Variants in METTL8 observed in about 807,000 individuals in gnomAD.
METTL8 encodes the protein tRNA N(3)-cytidine methyltransferase METTL8, mitochondrial.
METTL8 carries 32 observed loss-of-function variants against 48.7 expected under a neutral mutation model. The ratio of observed to expected loss-of-function variants is 0.66; its 90% CI spans 0.50 to 0.88. METTL8 has a LOEUF of 0.88. Among genes scored for constraint, METTL8 ranks in the 40% least tolerant of loss-of-function variants. The pLI is 0.00. For synonymous variants in METTL8, 136 were observed against 157.1 expected (o/e 0.87, Z 1.01); for missense variants, 464 against 474.4 (o/e 0.98, Z 0.20).
Position 171,319,463 on chromosome 2 carries a change from G to GT in METTL8, c.*4708dup, listed in dbSNP as rs1394234910. The GT allele has an allele frequency of 1.3e-5, 2 of 152,340 alleles. No homozygotes were observed. The highest frequency in any genetic ancestry group is 3.9e-4 in the East Asian group (2 of 5,188). 9.4% of individuals were successfully genotyped at this position (152,340 alleles called of 1,614,324 possible). A position where few individuals can be genotyped will look rare whatever the true frequency, so the allele number is the denominator to read the frequency against. On this transcript the variant is annotated 3_prime_UTR_variant, in exon 10 of 10. Transcript: ENST00000375258. ...ACTTTGATGAGTTGGAAGTTTTGGG[G>GT]TTTAACAATCCAGATGGTTCTGATA...
intron 2 of METTL8, among the ~76,000 whole-genome samples, chr2:171,365,025 T>C (rs9973709): frequency 0.087 from 13,294 of 152,240 alleles, 905 homozygotes; most frequent in African/African-American, 0.18. Flanking sequence ...CTTAATTCTA[T>C]AACAAAGTGT....
chr2:171,331,424 C>CT (rs34718824), intron 6 of METTL8, among the ~76,000 whole-genome samples: 255 of 132,066 alleles, frequency 1.9e-3, no homozygotes, highest in African/African-American at 3.0e-3. Context: ...GGCCTTTCAT[C>CT]TTTTTTTTTT....
intron 3 of METTL8, among the ~76,000 whole-genome samples, chr2:171,342,498 T>C (rs1686874853): frequency 6.6e-6 from 1 of 152,194 alleles, no homozygotes; most frequent in South Asian, 2.1e-4. Flanking sequence ...AATTGGAGTG[T>C]GCCTGATATA....
At chr2:171,336,396 C>CT (rs146097512) in intron 5 of METTL8, among the ~76,000 whole-genome samples, 13 of 80,740 alleles carry the variant, frequency 1.6e-4, no homozygotes, top group Admixed American at 6.0e-4. Context: ...CGCCCGACTG[C>CT]TTTTTTTTTT....
At chr2:171,432,223 C>T (rs1334688083) in intron 1 of METTL8, among the ~76,000 whole-genome samples, 1 of 144,944 alleles carries the variant, frequency 6.9e-6, no homozygotes, top group African/African-American at 2.5e-5. Flanking sequence ...GGCAAAGCAA[C>T]GTCAAAAAAA....
intron 1 of METTL8, among the ~76,000 whole-genome samples, chr2:171,404,618 T>C (rs1320000870): frequency 6.6e-6 from 1 of 152,126 alleles, no homozygotes; most frequent in African/African-American, 2.4e-5. Context: ...AGTGGGTAAA[T>C]GAACCATGGA....
intron 5 of METTL8, among the ~76,000 whole-genome samples, chr2:171,334,058 T>C (rs1448654113): frequency 6.7e-6 from 1 of 149,772 alleles, no homozygotes; most frequent in Non-Finnish European, 1.5e-5. Flanking sequence ...GCTTAAAAAC[T>C]AACATAGTCC....
intron 2 of METTL8, among the ~76,000 whole-genome samples, chr2:171,385,849 G>C (rs534882529): frequency 6.6e-6 from 1 of 152,274 alleles, no homozygotes; most frequent in Non-Finnish European, 1.5e-5. Context: ...TTAAATCCTA[G>C]GATTCCATGT....
At position 171,337,440 on chromosome 2, in the gene METTL8, T is replaced by C. The variant is rs1353214709; in HGVS notation, c.656+13A>G. Reference sequence around the variant, plus strand: ...ATGTAAAATTCTGTAGAAAGAAAACTCTTAAAACTCACTCCAAAGTGTTCA... The same window carrying C: ...ATGTAAAATTCTGTAGAAAGAAAACCCTTAAAACTCACTCCAAAGTGTTCA... On this transcript the variant is annotated intron_variant, in intron 5 of 9. Coordinates refer to ENST00000375258, the MANE Select transcript of METTL8 (RefSeq NM_001321154.2). 1 of 1,579,292 alleles carries C rather than the reference T, an allele frequency of 6.3e-7. No individual in the cohort carries two copies. The highest frequency in any genetic ancestry group is 8.6e-7 in the Non-Finnish European group (1 of 1,160,934).
chr2:171,347,350 G>A (rs1161325066), intron 3 of METTL8, among the ~76,000 whole-genome samples: 4 of 152,134 alleles, frequency 2.6e-5, no homozygotes, highest in Admixed American at 1.3e-4. Context: ...ACGGTTCTAT[G>A]GGAACTGTCA....
chr2:171,326,609 AT>A lies in METTL8; in HGVS notation c.861-462del. On this transcript the variant is annotated intron_variant, in intron 7 of 9. Transcript: ENST00000375258. ...AAACGAGCTCATTCTCCTTTTCTTT[AT>A]TTAGTTCGGAGGTACCACCATTTAC... 2.0e-5 allele frequency among the ~76,000 whole-genome samples: 3 copies of A among 152,322 alleles called. 1 individual carries two copies. In the Middle Eastern group the frequency reaches 0.01, roughly 518 times the overall value.
rs1024971384 is a variant in METTL8, at chr2:171,338,596, C to T, written c.606+588G>A. Among the ~76,000 whole-genome samples the T allele has an allele frequency of 2.7e-5, 4 of 149,474 alleles. No individual in the cohort carries two copies. The South Asian group carries it at 8.4e-4, about 31-fold the overall frequency. On this transcript the variant is annotated intron_variant, in intron 4 of 9. Coordinates refer to ENST00000375258, the MANE Select transcript of METTL8 (RefSeq NM_001321154.2). ...CAGAAGCTGCAGTGAGCTGAGATGG[C>T]GCCACTATACTCTAGCCCGGGCAAC...
intron 1 of METTL8, among the ~76,000 whole-genome samples, chr2:171,397,662 T>C (rs1452339907): frequency 1.3e-5 from 2 of 151,122 alleles, no homozygotes; most frequent in Admixed American, 6.6e-5. Context: ...TTAATAAAAC[T>C]GATAAACTTC....
intron 4 of METTL8, among the ~76,000 whole-genome samples, chr2:171,338,153 G>A (rs1407261716): frequency 1.3e-5 from 2 of 152,064 alleles, no homozygotes; most frequent in East Asian, 1.9e-4. Flanking sequence ...GTTTGCTTCA[G>A]AAAATCTGAA....
At chr2:171,365,409 G>T (rs1011015040) in intron 2 of METTL8, among the ~76,000 whole-genome samples, 4 of 152,010 alleles carry the variant, frequency 2.6e-5, no homozygotes, top group Non-Finnish European at 5.9e-5. Flanking sequence ...TTCCTCATCC[G>T]TTCCTACCCC....
In METTL8 at chr2:171,379,815, A is replaced by C. The variant is rs962663394; in HGVS notation, c.143+12228T>G. On this transcript the variant is annotated intron_variant, in intron 2 of 9. Transcript: ENST00000375258. ...TAGATTCACAGCTAAATTCTACCAG[A>C]GGTACAAAGAGGAGCTGATACCATT... Among the ~76,000 whole-genome samples, 3 of 152,236 alleles carry C rather than the reference A, an allele frequency of 2.0e-5. No individual in the cohort carries two copies. In the East Asian group the frequency reaches 5.8e-4, roughly 29 times the overall value.
At chr2:171,413,381 C>G (rs907227718) in intron 1 of METTL8, among the ~76,000 whole-genome samples, 11 of 152,104 alleles carry the variant, frequency 7.2e-5, no homozygotes, top group Admixed American at 5.9e-4. Context: ...AATGCAGAAA[C>G]AGATATAAGA....
intron 2 of METTL8, among the ~76,000 whole-genome samples, chr2:171,374,257 T>C (rs928622647): frequency 2.7e-4 from 41 of 152,352 alleles, no homozygotes; most frequent in Non-Finnish European, 4.4e-5. Context: ...TGTTTGTCTG[T>C]TATTGGCATA....
intron 2 of METTL8, among the ~76,000 whole-genome samples, chr2:171,383,653 A>C (rs16859370): frequency 0.13 from 20,215 of 152,184 alleles, 1,452 homozygotes; most frequent in Middle Eastern, 0.2. Flanking sequence ...AGATCCCTTG[A>C]AAAGTTTCTA....
Sources: allele counts gnomAD v4.1 joint callset (sites outside exome capture counted in the v4.1 genomes callset), GRCh38; gene constraint gnomAD v4.1.1; transcripts MANE v1.5; gene names NCBI Gene and HGNC (gene_info 2026-07-23, HGNC 2026-07-21).